PLPPR1: variants seen among roughly 807,000 people sequenced by gnomAD.
PLPPR1 encodes the protein phospholipid phosphatase related 1, also known as phospholipid phosphatase-related protein type 1.
In PLPPR1, 10 loss-of-function variants were observed where a neutral mutation model predicts 33.1. That is an observed-to-expected ratio of 0.30 (90% CI 0.19 to 0.51). PLPPR1 has a LOEUF of 0.51. Ranked by LOEUF, PLPPR1 falls within the 20% of genes least tolerant of loss-of-function variation. The pLI, the probability that PLPPR1 is intolerant of heterozygous loss-of-function variation, is 0.97. For synonymous variants in PLPPR1, 151 were observed against 151.0 expected (o/e 1.00, Z 0.00); for missense variants, 304 against 408.1 (o/e 0.74, Z 2.20).
intron 2 of PLPPR1, among the ~76,000 whole-genome samples, chr9:101,237,952 T>G (rs1357564823): frequency 1.5e-5 from 2 of 132,144 alleles, no homozygotes; most frequent in Admixed American, 1.5e-4. Flanking sequence ...GCTATATATA[T>G]ATACACACAC....
chr9:101,291,006 G>A (rs1221033308), intron 4 of PLPPR1, among the ~76,000 whole-genome samples: 1 of 152,252 alleles, frequency 6.6e-6, no homozygotes, highest in Non-Finnish European at 1.5e-5. Context: ...GGAAGTGCAA[G>A]GGGTCAGGGA....
intron 1 of PLPPR1, among the ~76,000 whole-genome samples, chr9:101,038,789 A>G (rs889039851): frequency 3.9e-5 from 6 of 152,090 alleles, no homozygotes; most frequent in Non-Finnish European, 7.4e-5. Context: ...GGCTGCAGAG[A>G]TTGCGTGCCC....
At position 101,238,411 on chromosome 9, in the gene PLPPR1, G is replaced by A. The variant is rs543406534; in HGVS notation, c.64-31469G>A. ...ATATATGATGGAATTGTGTGTGTGTGTATATATATATATGCACACAATGGA... is the reference window on the plus strand; with the variant it reads ...ATATATGATGGAATTGTGTGTGTGTATATATATATATATGCACACAATGGA... On this transcript the variant is annotated intron_variant, in intron 2 of 7. Transcript: ENST00000374874. Among the ~76,000 whole-genome samples the A allele has an allele frequency of 3.5e-5, 5 of 144,886 alleles. 1 individual carries two copies. The highest frequency in any genetic ancestry group is 1.0e-4 in the African/African-American group (4 of 39,348).
At chr9:101,270,507 A>T (rs896069325) in intron 3 of PLPPR1, among the ~76,000 whole-genome samples, 34 of 152,308 alleles carry the variant, frequency 2.2e-4, no homozygotes, top group Non-Finnish European at 2.2e-4. Context: ...TTCTCATTGA[A>T]CTTCCGTAGA....
intron 2 of PLPPR1, among the ~76,000 whole-genome samples, chr9:101,218,993 A>T (rs1027735676): frequency 6.6e-6 from 1 of 152,206 alleles, no homozygotes; most frequent in Non-Finnish European, 1.5e-5. Flanking sequence ...ACACACATCT[A>T]TATGTCCTTT....
chr9:101,191,964 C>G (rs1334131013), intron 2 of PLPPR1, among the ~76,000 whole-genome samples: 1 of 152,150 alleles, frequency 6.6e-6, no homozygotes, highest in African/African-American at 2.4e-5. Flanking sequence ...TTTTTGACAA[C>G]TCAATTTTCT....
chr9:101,251,238 A>T (rs553650489), intron 2 of PLPPR1, among the ~76,000 whole-genome samples: 1 of 152,200 alleles, frequency 6.6e-6, no homozygotes, highest in South Asian at 2.1e-4. Context: ...ACTGCCTGGC[A>T]TATAGTAGGT....
At chr9:101,076,105 T>A (rs777618350) in intron 1 of PLPPR1, among the ~76,000 whole-genome samples, 5 of 152,050 alleles carry the variant, frequency 3.3e-5, no homozygotes, top group Middle Eastern at 3.2e-3. Flanking sequence ...AGCATCAATA[T>A]CATCTGGGAA....
chr9:101,161,848 C>T (rs1016550414), intron 1 of PLPPR1, among the ~76,000 whole-genome samples: 3 of 152,042 alleles, frequency 2.0e-5, no homozygotes, highest in African/African-American at 7.2e-5. Flanking sequence ...TTACCCCAGA[C>T]TTCATTATTT....
At chr9:101,077,800 C>G (rs1830557961) in intron 1 of PLPPR1, among the ~76,000 whole-genome samples, 1 of 152,046 alleles carries the variant, frequency 6.6e-6, no homozygotes, top group East Asian at 2.0e-4. Context: ...GGCAAGGCGG[C>G]TCCCTTAGAA....
chr9:101,096,552 G>A (rs1372625155), intron 1 of PLPPR1, among the ~76,000 whole-genome samples: 1 of 152,152 alleles, frequency 6.6e-6, no homozygotes, highest in Non-Finnish European at 1.5e-5. Flanking sequence ...AGTTAAATAA[G>A]CACATGAATA....
At chr9:101,099,097 G>C (rs1830860142) in intron 1 of PLPPR1, among the ~76,000 whole-genome samples, 1 of 151,948 alleles carries the variant, frequency 6.6e-6, no homozygotes, top group Admixed American at 6.6e-5. Context: ...GATGTGGTGT[G>C]TGTGTGTCGG....
chr9:101,132,423 G>C (rs997186200), intron 1 of PLPPR1, among the ~76,000 whole-genome samples: 1 of 152,160 alleles, frequency 6.6e-6, no homozygotes. Flanking sequence ...CCTAAATATT[G>C]TAAGATTTCA....
chr9:101,219,154 C>G (rs764928869), intron 2 of PLPPR1, among the ~76,000 whole-genome samples: 1 of 152,214 alleles, frequency 6.6e-6, no homozygotes, highest in Non-Finnish European at 1.5e-5. Flanking sequence ...CGGAAGCTTT[C>G]TGTTAAAGCT....
At chr9:101,155,755 A>C (rs1385922396) in intron 1 of PLPPR1, among the ~76,000 whole-genome samples, 1 of 151,832 alleles carries the variant, frequency 6.6e-6, no homozygotes, top group Admixed American at 6.6e-5. Flanking sequence ...ATGCGCCACC[A>C]CACCTAGCTA....
At chr9:101,162,733 G>A (rs1825785557) in intron 1 of PLPPR1, among the ~76,000 whole-genome samples, 1 of 152,108 alleles carries the variant, frequency 6.6e-6, no homozygotes, top group South Asian at 2.1e-4. Context: ...CATTTTGTTA[G>A]CATTGACCCA....
At chr9:101,286,331 T>C in intron 4 of PLPPR1, 95 bp downstream of exon 4, 1 of 1,207,898 alleles carries the variant, frequency 8.3e-7, no homozygotes, top group Non-Finnish European at 1.1e-6. Context: ...GTATCAACAT[T>C]AAAAGCAAGG....
At chr9:101,219,086 G>A (rs946473063) in intron 2 of PLPPR1, among the ~76,000 whole-genome samples, 8 of 152,268 alleles carry the variant, frequency 5.3e-5, no homozygotes, top group East Asian at 3.9e-4. Flanking sequence ...TCCTCCATCC[G>A]GCTTCTCCCC....
chr9:101,289,597 T>C (rs1039127832), intron 4 of PLPPR1, among the ~76,000 whole-genome samples: 1 of 152,252 alleles, frequency 6.6e-6, no homozygotes, highest in Non-Finnish European at 1.5e-5. Flanking sequence ...CATACTGTTC[T>C]CATGGTAGTG....
Sources: allele counts gnomAD v4.1 joint callset (sites outside exome capture counted in the v4.1 genomes callset), GRCh38; gene constraint gnomAD v4.1.1; transcripts MANE v1.5; gene names NCBI Gene and HGNC (gene_info 2026-07-23, HGNC 2026-07-21).